NAALADL2: variants seen among roughly 807,000 people sequenced by gnomAD.
The protein encoded by NAALADL2 is N-acetylated alpha-linked acidic dipeptidase like 2.
In NAALADL2, 76 loss-of-function variants were observed where a neutral mutation model predicts 87.2. That is an observed-to-expected ratio of 0.87 (90% CI 0.72 to 1.05). NAALADL2 has a LOEUF of 1.05. Ranked by LOEUF, NAALADL2 falls within the 50% of genes least tolerant of loss-of-function variation. NAALADL2 has a pLI of 0.00. For synonymous variants in NAALADL2, 354 were observed against 331.0 expected (o/e 1.07, Z -0.75); for missense variants, 1,089 against 945.8 (o/e 1.15, Z -1.99).
intron 1 of NAALADL2, among the ~76,000 whole-genome samples, chr3:174,515,468 T>C (rs907336613): frequency 1.3e-5 from 2 of 152,090 alleles, no homozygotes; most frequent in African/African-American, 4.8e-5. Context: ...TTAATTACAT[T>C]ATAGCTTTCA....
At chr3:174,511,441 T>G (rs990162710) in intron 1 of NAALADL2, among the ~76,000 whole-genome samples, 9 of 152,062 alleles carry the variant, frequency 5.9e-5, no homozygotes, top group Admixed American at 1.3e-4. Flanking sequence ...TACTCATTGC[T>G]CTCAGAACTT....
chr3:175,795,127 C>T (rs527547350), intron 13 of NAALADL2, among the ~76,000 whole-genome samples: 1 of 152,198 alleles, frequency 6.6e-6, no homozygotes, highest in Non-Finnish European at 1.5e-5. Flanking sequence ...TATCATCCCA[C>T]CTGCAGGGCC....
intron 2 of NAALADL2, among the ~76,000 whole-genome samples, chr3:175,159,982 G>C (rs1411197256): frequency 1.4e-5 from 2 of 144,226 alleles, no homozygotes; most frequent in African/African-American, 5.0e-5. Flanking sequence ...GATTACAGGC[G>C]TGTGCTACCA....
chr3:175,260,602 C>T (rs182045437), intron 4 of NAALADL2, among the ~76,000 whole-genome samples: 10 of 152,202 alleles, frequency 6.6e-5, no homozygotes, highest in Admixed American at 6.5e-4. Context: ...TTGAAAAAGG[C>T]AGAAAACCAA....
intron 4 of NAALADL2, among the ~76,000 whole-genome samples, chr3:175,297,632 C>T (rs994646054): frequency 6.6e-6 from 1 of 152,164 alleles, no homozygotes; most frequent in Non-Finnish European, 1.5e-5. Context: ...GTATTACCCA[C>T]TAACCATTGG....
intron 1 of NAALADL2, among the ~76,000 whole-genome samples, chr3:174,496,522 A>G (rs1339522663): frequency 6.7e-6 from 1 of 148,238 alleles, no homozygotes; most frequent in Non-Finnish European, 1.5e-5. Flanking sequence ...ATATATATAT[A>G]TATATATATG....
intron 2 of NAALADL2, among the ~76,000 whole-genome samples, chr3:174,660,916 G>C (rs1725442293): frequency 6.6e-6 from 1 of 152,054 alleles, no homozygotes; most frequent in Non-Finnish European, 1.5e-5. Flanking sequence ...TTTCTTTCAG[G>C]GTTATTAATA....
chr3:174,441,298 G>A (rs530263226), intron 1 of NAALADL2, among the ~76,000 whole-genome samples: 1 of 152,154 alleles, frequency 6.6e-6, no homozygotes, highest in Non-Finnish European at 1.5e-5. Flanking sequence ...CAGTCCGCGA[G>A]GCGCGCTGGC....
At chr3:175,504,491 G>T (rs888255697) in intron 9 of NAALADL2, among the ~76,000 whole-genome samples, 1 of 151,948 alleles carries the variant, frequency 6.6e-6, no homozygotes, top group South Asian at 2.1e-4. Context: ...TCAGGGTGGG[G>T]CCCTAATCTG....
Position 174,713,207 on chromosome 3 carries a change from C to T in NAALADL2, c.-114-24434C>T, listed in dbSNP as rs546178549. On this transcript the variant is annotated intron_variant, in intron 2 of 3. Transcript: ENST00000434257. ...TTTTCTTAATCCAGTCTATCATTGACGGACATTTGGGTTGGTTCCAAGTCT... is the reference window on the plus strand; with the variant it reads ...TTTTCTTAATCCAGTCTATCATTGATGGACATTTGGGTTGGTTCCAAGTCT... Among the ~76,000 whole-genome samples, 208 of 152,182 alleles carry T rather than the reference C, an allele frequency of 1.4e-3. 1 individual carries two copies. The highest frequency in any genetic ancestry group is 2.7e-3 in the South Asian group (13 of 4,824).
chr3:174,746,848 A>C (rs1346844658), intron 3 of NAALADL2, among the ~76,000 whole-genome samples: 1 of 152,200 alleles, frequency 6.6e-6, no homozygotes, highest in Non-Finnish European at 1.5e-5. Context: ...TATTTAATAA[A>C]TTGTGCTGGG....
At chr3:175,334,365 C>G (rs1411425208) in intron 5 of NAALADL2, among the ~76,000 whole-genome samples, 1 of 151,992 alleles carries the variant, frequency 6.6e-6, no homozygotes, top group Non-Finnish European at 1.5e-5. Context: ...CTGCTTTTTC[C>G]CTCTTCCCTA....
chr3:174,923,904 C>G (rs1381147584), intron 1 of NAALADL2, among the ~76,000 whole-genome samples: 1 of 151,926 alleles, frequency 6.6e-6, no homozygotes, highest in Non-Finnish European at 1.5e-5. Flanking sequence ...ATGCCTTGTC[C>G]CCTGGCAGAG....
At chr3:174,941,019 T>G (rs913714731) in intron 1 of NAALADL2, among the ~76,000 whole-genome samples, 1 of 152,106 alleles carries the variant, frequency 6.6e-6, no homozygotes, top group African/African-American at 2.4e-5. Flanking sequence ...CAGCTCTCAT[T>G]TTGGTCATTT....
chr3:174,797,691 A>G (rs1380507342), intron 3 of NAALADL2, among the ~76,000 whole-genome samples: 1 of 152,046 alleles, frequency 6.6e-6, no homozygotes, highest in African/African-American at 2.4e-5. Context: ...TTTTGGTTCC[A>G]TGTGGATTTT....
intron 2 of NAALADL2, among the ~76,000 whole-genome samples, chr3:174,728,751 G>A (rs549820540): frequency 3.3e-5 from 5 of 152,074 alleles, no homozygotes; most frequent in South Asian, 2.1e-4. Context: ...CAGATCAATC[G>A]GATTATAACT....
At chr3:175,608,628 C>T (rs562733086) in intron 10 of NAALADL2, among the ~76,000 whole-genome samples, 1 of 151,896 alleles carries the variant, frequency 6.6e-6, no homozygotes, top group South Asian at 2.1e-4. Flanking sequence ...ATTGTTATAA[C>T]GATCGTGTAG....
Position 174,581,172 on chromosome 3 carries a change from G to C in NAALADL2, c.-115+30535G>C, listed in dbSNP as rs1229456468. Among the ~76,000 whole-genome samples, 9 of 152,226 alleles carry C rather than the reference G, an allele frequency of 5.9e-5. 1 individual carries two copies. The South Asian group carries it at 1.9e-3, about 32-fold the overall frequency. On this transcript the variant is annotated intron_variant, in intron 2 of 3. Coordinates refer to the NAALADL2 transcript ENST00000434257. The stretch of plus-strand genomic sequence containing the variant: ...TCAGCCAGGATTCAATCATTACACT[G>C]TTTTTGAGTTTATGATTTAATCTCA...
At chr3:174,921,995 G>A (rs894625827) in intron 1 of NAALADL2, among the ~76,000 whole-genome samples, 1 of 151,820 alleles carries the variant, frequency 6.6e-6, no homozygotes, top group Non-Finnish European at 1.5e-5. Flanking sequence ...ATATGTATGA[G>A]ACAAAGTATA....
Sources: gnomAD v4.1 joint callset for allele counts (sites outside exome capture counted in the v4.1 genomes callset) on GRCh38, gnomAD v4.1.1 for gene constraint, MANE v1.5 for transcripts, NCBI Gene and HGNC (gene_info 2026-07-23, HGNC 2026-07-21) for gene names.